The following ESRRG variants were observed in gnomAD, a reference collection of about 807,000 sequenced individuals.
The protein encoded by ESRRG is estrogen-related receptor gamma.
Under a neutral mutation model 44.0 loss-of-function variants are expected in ESRRG, and 13 were observed. The observed-to-expected ratio is 0.30, with a 90% CI of 0.19 to 0.47. The LOEUF (loss-of-function observed/expected upper bound fraction) is 0.47. Among genes scored for constraint, ESRRG ranks in the 20% least tolerant of loss-of-function variants. The probability of loss-of-function intolerance (pLI) is 1.00; values close to 1 mark genes in which losing one functional copy is unlikely to be tolerated. For missense variants in ESRRG, 395 were observed against 580.6 expected, an observed-to-expected ratio of 0.68 and a Z score of 3.29; for synonymous variants, 215 against 214.6, an observed-to-expected ratio of 1.00 and a Z score of -0.02.
intron 1 of ESRRG, among the ~76,000 whole-genome samples, chr1:216,696,778 G>T (rs889377428): frequency 3.3e-5 from 5 of 152,012 alleles, no homozygotes; most frequent in Non-Finnish European, 7.4e-5. Flanking sequence ...GTATTAAAAT[G>T]TATAATTAAT....
Position 216,820,448 on chromosome 1 carries a change from T to C in ESRRG, c.-14+119134A>G, listed in dbSNP as rs576395903. ...TGTCTTTGACATTCCCTCTGCCTTA[T>C]GTCAGAGCAAACTCCTCAATTCTGA... On this transcript the variant is annotated intron_variant, in intron 2 of 7. Transcript: ENST00000359162. 3.9e-5 allele frequency among the ~76,000 whole-genome samples: 6 copies of C among 152,326 alleles called. No homozygotes were observed. In the South Asian group the frequency reaches 6.2e-4, roughly 16 times the overall value.
At chr1:216,558,389 A>G (rs2058029773) in intron 5 of ESRRG, among the ~76,000 whole-genome samples, 1 of 151,828 alleles carries the variant, frequency 6.6e-6, no homozygotes, top group Non-Finnish European at 1.5e-5. Flanking sequence ...CTGCCCATGT[A>G]GAATAAAATT....
rs143301897 is a variant in ESRRG, at chr1:216,945,933, A to G, written c.-105-6260T>C. 4.1e-3 allele frequency among the ~76,000 whole-genome samples: 618 copies of G among 152,290 alleles called. 5 individuals are homozygous for G. Among genetic ancestry groups the G allele is most frequent in the African/African-American group, 0.014 (592 of 41,566 alleles). ...CAGACCACAGTTAAGGAAAAATTCA[A>G]TAGAGATGGTTGGCAGGAGAAAAGT... On this transcript the variant is annotated intron_variant, in intron 1 of 7. Transcript: ENST00000359162.
At chr1:216,737,995 CTTTTTTTTTTTT>C (rs144453643) in intron 2 of ESRRG, among the ~76,000 whole-genome samples, 1 of 119,640 alleles carries the variant, frequency 8.4e-6, no homozygotes, top group South Asian at 2.7e-4. Context: ...TGAGACATCA[CTTTTTTTTTTTT>C]TTTTTTTTTG....
intron 1 of ESRRG, among the ~76,000 whole-genome samples, chr1:217,116,300 T>C (rs1416952780): frequency 6.6e-6 from 1 of 152,150 alleles, no homozygotes; most frequent in Non-Finnish European, 1.5e-5. Context: ...CACTGGCAAG[T>C]TCCCAAACAG....
chr1:216,738,393 G>A (rs745965310), intron 2 of ESRRG, among the ~76,000 whole-genome samples: 26 of 152,158 alleles, frequency 1.7e-4, no homozygotes, highest in Admixed American at 5.2e-4. Flanking sequence ...AGAAAAAAGT[G>A]AACCATAAAA....
chr1:216,562,114 C>A (rs999764147), intron 5 of ESRRG, among the ~76,000 whole-genome samples: 1 of 152,070 alleles, frequency 6.6e-6, no homozygotes, highest in Non-Finnish European at 1.5e-5. Flanking sequence ...AAATTGTTGA[C>A]TTTTATTGGT....
chr1:216,776,433 G>C (rs1262305018), intron 2 of ESRRG, among the ~76,000 whole-genome samples: 3 of 152,004 alleles, frequency 2.0e-5, no homozygotes, highest in Admixed American at 1.3e-4. Flanking sequence ...CCCTAGCCCT[G>C]TTCTAGCACT....
intron 1 of ESRRG, among the ~76,000 whole-genome samples, chr1:216,705,971 G>A (rs899010677): frequency 6.6e-6 from 1 of 152,064 alleles, no homozygotes; most frequent in African/African-American, 2.4e-5. Flanking sequence ...TAGTTTGGGG[G>A]TGGGGTGGAA....
In ESRRG at chr1:216,921,270, G is replaced by T. The variant is rs115716093; in HGVS notation, c.-14+18312C>A. Among the ~76,000 whole-genome samples the T allele has an allele frequency of 3.3e-3, 509 of 152,226 alleles. 2 individuals are homozygous for T. The highest frequency in any genetic ancestry group is 0.012 in the African/African-American group (484 of 41,530). ...AAGACAGTGTGTTCTCTGCCTCTTA[G>T]TCGCATGGTGACTTTTTTCAAGTAC... On this transcript the variant is annotated intron_variant, in intron 2 of 7. Coordinates refer to the ESRRG transcript ENST00000359162.
At chr1:217,112,930 C>T (rs1283029749) in intron 1 of ESRRG, among the ~76,000 whole-genome samples, 1 of 152,064 alleles carries the variant, frequency 6.6e-6, no homozygotes, top group Non-Finnish European at 1.5e-5. Context: ...TCTATAGGAG[C>T]CTCATATAGG....
rs71163786 is a variant in ESRRG at position 217,026,912 on chromosome 1, C to CAGAGAGAGAGAGAG, written c.-106+62581_-106+62594dup. Reference sequence around the variant, plus strand: ...ATACACACACACACACACACACACACAGAGAGAGAGAGAGAGAGAGAGAGA... The same window carrying CAGAGAGAGAGAGAG: ...ATACACACACACACACACACACACACAGAGAGAGAGAGAGAGAGAGAGAGAGAGAGAGAGAGAGA... On this transcript the variant is annotated intron_variant, in intron 1 of 7. Coordinates refer to the ESRRG transcript ENST00000359162. Among the ~76,000 whole-genome samples, 167 of 93,408 alleles carry CAGAGAGAGAGAGAG rather than the reference C, an allele frequency of 1.8e-3. 1 individual carries two copies. Among genetic ancestry groups the CAGAGAGAGAGAGAG allele is most frequent in the East Asian group, 3.5e-3 (10 of 2,898 alleles). The allele number at this position is 93,408 out of a possible 152,430, so 61.3% of individuals were successfully genotyped here. A position where few individuals can be genotyped will look rare whatever the true frequency, so the allele number is the denominator to read the frequency against.
intron 1 of ESRRG, among the ~76,000 whole-genome samples, chr1:216,964,126 G>C (rs940018917): frequency 6.6e-6 from 1 of 152,154 alleles, no homozygotes. Context: ...AGGATATGGA[G>C]TGAGATGAGG....
At chr1:216,669,366 T>C (rs2074668685) in intron 2 of ESRRG, among the ~76,000 whole-genome samples, 1 of 152,172 alleles carries the variant, frequency 6.6e-6, no homozygotes, top group Non-Finnish European at 1.5e-5. Context: ...AAAAACTAAA[T>C]TATGCTGTTT....
At chr1:216,533,396 T>C (rs1301523974) in intron 5 of ESRRG, among the ~76,000 whole-genome samples, 5 of 152,120 alleles carry the variant, frequency 3.3e-5, no homozygotes, top group African/African-American at 1.2e-4. Flanking sequence ...TTTTAATGCC[T>C]CAAGATATGA....
chr1:217,126,796 A>C lies in ESRRG; in HGVS notation c.-230+10871T>G, dbSNP rs1001452984. ...AATATGGTACTCTGCATATCCAATT[A>C]TCTCTCCATTCAAGAGACCTTTCTG... On this transcript the variant is annotated intron_variant, in intron 1 of 8. Transcript: ENST00000366940. Among the ~76,000 whole-genome samples the C allele has an allele frequency of 9.2e-5, 14 of 152,316 alleles. No individual in the cohort carries two copies. In the South Asian group the frequency reaches 2.9e-3, roughly 32 times the overall value.
intron 2 of ESRRG, among the ~76,000 whole-genome samples, chr1:216,892,743 C>T (rs2057968405): frequency 6.6e-6 from 1 of 152,160 alleles, no homozygotes; most frequent in Non-Finnish European, 1.5e-5. Flanking sequence ...GCACTGTCCT[C>T]ACATACTTTA....
intron 2 of ESRRG, among the ~76,000 whole-genome samples, chr1:216,857,645 G>C (rs1464324819): frequency 6.6e-6 from 1 of 151,178 alleles, no homozygotes; most frequent in Non-Finnish European, 1.5e-5. Context: ...TCTTCTCTGG[G>C]GACCATGCTA....
intron 1 of ESRRG, among the ~76,000 whole-genome samples, chr1:217,021,182 G>A (rs1036154175): frequency 2.6e-5 from 4 of 152,012 alleles, no homozygotes; most frequent in African/African-American, 7.2e-5. Context: ...TGTTCCTCAC[G>A]TTCACAGACA....
Sources: gnomAD v4.1 joint callset for allele counts (sites outside exome capture counted in the v4.1 genomes callset) on GRCh38, gnomAD v4.1.1 for gene constraint, MANE v1.5 for transcripts, NCBI Gene and HGNC (gene_info 2026-07-23, HGNC 2026-07-21) for gene names.